The following LRRC71 variants were observed in gnomAD, a reference collection of about 807,000 sequenced individuals.
LRRC71 encodes leucine-rich repeat-containing protein 71.
A neutral mutation model predicts 66.6 loss-of-function variants in LRRC71; 54 were observed. The observed-to-expected ratio is 0.81, with a 90% confidence interval of 0.65 to 1.02. The LOEUF (loss-of-function observed/expected upper bound fraction) is 1.02. Ranked by LOEUF, LRRC71 falls within the 50% of genes least tolerant of loss-of-function variation. The pLI, the probability that LRRC71 is intolerant of heterozygous loss-of-function variation, is 0.00. For synonymous variants in LRRC71, 323 were observed against 303.9 expected (o/e 1.06, Z -0.65); for missense variants, 724 against 718.0 (o/e 1.01, Z -0.10).
At chr1:156,934,832 A>G (rs1018222249), downstream of LRRC71, 7 of 151,716 alleles carry the variant, frequency 4.6e-5, no homozygotes, top group African/African-American at 1.7e-4. Context: ...AAACACACAC[A>G]CCACCACTGA....
In LRRC71 at chr1:156,924,116, T is replaced by G. The variant is rs1318913216; in HGVS notation, c.310+18T>G. 1 of 1,546,200 alleles carries G rather than the reference T, an allele frequency of 6.5e-7. No homozygotes were observed. Among genetic ancestry groups the G allele is most frequent in the Non-Finnish European group, 8.7e-7 (1 of 1,145,440 alleles). On this transcript the variant is annotated intron_variant, in intron 2 of 14. Coordinates refer to ENST00000337428, the MANE Select transcript of LRRC71 (RefSeq NM_144702.3). ...CACCTTAGGTGAGTGACAGTGGAGC[T>G]CCCCGGTGCCTGCCAGGGCCGCCTA...
chr1:156,937,529 GCAAA>G (rs1655724916), downstream of LRRC71: 2 of 1,504,108 alleles, frequency 1.3e-6, no homozygotes, highest in Admixed American at 2.3e-5. Flanking sequence ...AGATCAGGAG[GCAAA>G]CAGAGAAGTC....
chr1:156,932,037 C>T lies in LRRC71; in HGVS notation c.1441+10C>T. 1 of 1,572,322 alleles carries T rather than the reference C, an allele frequency of 6.4e-7. No individual in the cohort carries two copies. The highest frequency in any genetic ancestry group is 8.6e-7 in the Non-Finnish European group (1 of 1,156,172). On this transcript the variant is annotated intron_variant, in intron 13 of 14. Coordinates refer to ENST00000337428, the MANE Select transcript of LRRC71 (RefSeq NM_144702.3). ...CACCTCAACCTCATCCGTATGTCTG[C>T]CAACCTCCCCTGTCCTCCTGTCATG...
chr1:156,930,369 A>G (rs534044000), intron 11 of LRRC71, among the ~76,000 whole-genome samples, 160 bp from the exon 12 acceptor site: 198 of 151,392 alleles, frequency 1.3e-3, no homozygotes, highest in African/African-American at 4.5e-3. Context: ...CTGGGATTAC[A>G]GGTGTGAGCT....
downstream of LRRC71, among the ~76,000 whole-genome samples, chr1:156,937,905 T>TA (rs1655840205): frequency 6.6e-6 from 1 of 152,218 alleles, no homozygotes; most frequent in Non-Finnish European, 1.5e-5. Flanking sequence ...AGCCCTGCCC[T>TA]GCCCCTCTTC....
Position 156,920,939 on chromosome 1 carries a change from G to T in LRRC71, c.136G>T (p.Gly46Trp). The T allele has an allele frequency of 6.5e-7, 1 of 1,535,150 alleles. No individual in the cohort carries two copies. The highest frequency in any genetic ancestry group is 8.8e-7 in the Non-Finnish European group (1 of 1,139,226). Residue 46 changes from glycine (G) to tryptophan (W), a missense_variant, in exon 1 of 15, where the codon GGG (glycine) becomes TGG (tryptophan). Physicochemically the swap from Gly to Trp is radical, Grantham distance 184. Transcript: ENST00000337428. This position sits in a 1 kb window ranked among gnomAD's most constrained non-coding sequence, Gnocchi z 4.9. ...GCCAGCGACCGTTCTGCCTCCCGTG[G>T]GGGAGGAGGAGCCCAAAAGCCCTGG... ...EKPATVLPPVGEEEPKSPEEY... is the reference protein window; with the variant it reads ...EKPATVLPPVWEEEPKSPEEY...
chr1:156,927,452 T>C, intron 6 of LRRC71, 44 bp from the exon 7 acceptor site: 1 of 1,522,418 alleles, frequency 6.6e-7, no homozygotes, highest in Non-Finnish European at 8.8e-7. Flanking sequence ...GCGGACGCCC[T>C]GTACCTTTTC....
chr1:156,923,682 G>T (rs1652733667), intron 1 of LRRC71, among the ~76,000 whole-genome samples: 1 of 152,206 alleles, frequency 6.6e-6, no homozygotes, highest in African/African-American at 2.4e-5. Flanking sequence ...GGTGGCAGTC[G>T]CTTTGACCTG....
chr1:156,931,139 C>T (rs1654309728), intron 12 of LRRC71, among the ~76,000 whole-genome samples: 1 of 152,162 alleles, frequency 6.6e-6, no homozygotes. Context: ...ACAACCTGGA[C>T]CAACTTGCTG....
chr1:156,928,122 T>C, intron 9 of LRRC71, 118 bp downstream of exon 9: 1 of 988,310 alleles, frequency 1.0e-6, no homozygotes, highest in South Asian at 1.6e-5. Flanking sequence ...CCCTCTGTCC[T>C]GACTGTCTTT....
intron 4 of LRRC71, 39 bp from the exon 5 acceptor site, chr1:156,924,899 G>C (rs1322241887): frequency 5.2e-6 from 8 of 1,548,852 alleles, no homozygotes; most frequent in Middle Eastern, 1.7e-4. Flanking sequence ...AGGAGGGGGC[G>C]CTCTAGCTCT....
chr1:156,928,993 T>C (rs1174010298), intron 9 of LRRC71, among the ~76,000 whole-genome samples: 1 of 152,178 alleles, frequency 6.6e-6, no homozygotes, highest in African/African-American at 2.4e-5. Flanking sequence ...AAATAGCACC[T>C]GGCACTTAGC....
intron 9 of LRRC71, 103 bp downstream of exon 9, chr1:156,928,107 C>A: frequency 1.8e-6 from 2 of 1,093,100 alleles, no homozygotes; most frequent in Non-Finnish European, 2.7e-6. Context: ...CCAGTTTAAT[C>A]TCCACCCTCT....
At chr1:156,935,976 C>T, downstream of LRRC71, 3 of 1,605,062 alleles carry the variant, frequency 1.9e-6, no homozygotes, top group Non-Finnish European at 1.7e-6. Context: ...AGTGGGGACG[C>T]AGAGGATTTG....
chr1:156,938,924 C>T, the LRRC71 span: 1 of 202,374 alleles, frequency 4.9e-6, no homozygotes, highest in Non-Finnish European at 9.8e-6. Context: ...GACCTTCCTC[C>T]CTGGGCTCAT....
chr1:156,927,613 T>C lies in LRRC71; in HGVS notation c.780T>C (p.Gly260=). ...GGACCCTCGTCTCGCTCAACCTGGG[T>C]TTCAACCACATCGGTGACGAGGGCG... The part of the protein sequence containing the change: ...CNRTLVSLNL[G]FNHIGDEGAG... Residue 260 remains glycine, a synonymous_variant, in exon 7 of 15, where the codon GGT becomes GGC. Transcript: ENST00000337428. The C allele has an allele frequency of 6.2e-7, 1 of 1,602,256 alleles. No individual in the cohort carries two copies.
At chr1:156,926,567 AC>A (rs1653233997) in intron 5 of LRRC71, among the ~76,000 whole-genome samples, 1 of 104,896 alleles carries the variant, frequency 9.5e-6, no homozygotes, top group Non-Finnish European at 1.8e-5. Flanking sequence ...CCTCCACCCC[AC>A]CCCCCACCTC....
downstream of LRRC71, chr1:156,937,124 G>A (rs1483424460): frequency 1.7e-5 from 26 of 1,566,672 alleles, no homozygotes; most frequent in East Asian, 2.2e-4. Flanking sequence ...TGGGCGGGCT[G>A]GGGGAAGATC....
intron 11 of LRRC71, among the ~76,000 whole-genome samples, chr1:156,930,060 T>TTCTTTTTCTTTCTTTTTCTTTC (rs746194831): frequency 7.9e-6 from 1 of 126,182 alleles, no homozygotes; most frequent in East Asian, 2.4e-4. Flanking sequence ...CTTTCTTTCT[T>TTCTTTTTCTTTCTTTTTCTTTC]TTTCTTTCTT....
Sources: allele counts gnomAD v4.1 joint callset (sites outside exome capture counted in the v4.1 genomes callset), GRCh38; gene constraint gnomAD v4.1.1; non-coding constraint Gnocchi (gnomAD v3.1); transcripts MANE v1.5; gene names NCBI Gene and HGNC (gene_info 2026-07-23, HGNC 2026-07-21).